Variants in ROBO1 observed in about 807,000 individuals in gnomAD.
The protein encoded by ROBO1 is roundabout guidance receptor 1, also known as roundabout homolog 1.
Under a neutral mutation model 195.9 loss-of-function variants are expected in ROBO1, and 149 were observed. The observed-to-expected ratio is 0.76, with a 90% CI of 0.67 to 0.87. The LOEUF (loss-of-function observed/expected upper bound fraction) is 0.87. Ranked by LOEUF, ROBO1 falls within the 40% of genes least tolerant of loss-of-function variation. The pLI is 0.00. For missense variants in ROBO1, 1,933 were observed against 2,068.3 expected (o/e 0.93, Z 1.27); for synonymous variants, 816 against 733.2 (o/e 1.11, Z -1.82).
chr3:79,047,567 C>G (rs541921616), intron 3 of ROBO1, among the ~76,000 whole-genome samples: 1 of 152,086 alleles, frequency 6.6e-6, no homozygotes, highest in East Asian at 1.9e-4. Flanking sequence ...TACCTGAATT[C>G]TTGGTCCACA....
intron 2 of ROBO1, among the ~76,000 whole-genome samples, chr3:79,379,450 G>A (rs2036497626): frequency 6.6e-6 from 1 of 152,074 alleles, no homozygotes; most frequent in Admixed American, 6.6e-5. Context: ...CATCATGTCT[G>A]GTAGGCATTA....
intron 2 of ROBO1, among the ~76,000 whole-genome samples, chr3:79,445,209 CA>C (rs1379523494): frequency 2.6e-5 from 4 of 151,366 alleles, no homozygotes; most frequent in Non-Finnish European, 4.4e-5. Flanking sequence ...TTTTTTGTGT[CA>C]TAAGATACAT....
intron 2 of ROBO1, among the ~76,000 whole-genome samples, chr3:79,563,497 A>C (rs1486597973): frequency 6.6e-6 from 1 of 152,158 alleles, no homozygotes; most frequent in Non-Finnish European, 1.5e-5. Context: ...TTCAAAAAAT[A>C]GCTATGTTTG....
intron 2 of ROBO1, among the ~76,000 whole-genome samples, chr3:79,270,179 T>TTCTC (rs138141200): frequency 0.048 from 6,718 of 140,610 alleles, 219 homozygotes; most frequent in African/African-American, 0.095. Context: ...ATACATAATG[T>TTCTC]TCTCTCTCTC....
chr3:79,266,974 T>C (rs1178618499), intron 2 of ROBO1, among the ~76,000 whole-genome samples: 1 of 151,524 alleles, frequency 6.6e-6, no homozygotes, highest in Non-Finnish European at 1.5e-5. Context: ...ACTTATATGC[T>C]TTTTGTTGGA....
chr3:79,231,129 C>T (rs1207737383), intron 2 of ROBO1, among the ~76,000 whole-genome samples: 1 of 152,002 alleles, frequency 6.6e-6, no homozygotes, highest in Non-Finnish European at 1.5e-5. Context: ...GGAAGACAAC[C>T]TAGGTAATAC....
At chr3:78,682,767 A>G (rs989520887) in intron 10 of ROBO1, among the ~76,000 whole-genome samples, 1 of 148,464 alleles carries the variant, frequency 6.7e-6, no homozygotes, top group South Asian at 2.1e-4. Flanking sequence ...TAGGAATAAA[A>G]TTATAATAAT....
At chr3:79,352,020 T>C (rs2035362697) in intron 2 of ROBO1, among the ~76,000 whole-genome samples, 1 of 152,196 alleles carries the variant, frequency 6.6e-6, no homozygotes, top group Admixed American at 6.5e-5. Context: ...CTGACTTAAT[T>C]TGATCACACA....
At position 78,606,773 on chromosome 3, in the gene ROBO1, T is replaced by G. The variant is rs35148826; in HGVS notation, c.4704A>C (p.Ala1568=). 0.014 allele frequency: 23,236 copies of G among 1,613,932 alleles called. 234 individuals are homozygous for G. The highest frequency in any genetic ancestry group is 0.033 in the East Asian group (1,497 of 44,868). ...TCTTTGCTGGTGGAAGGTCTCGTTT[T>G]GCTGCCTTGTTTCCACGTCCTTTCC... ...NDGKGRGNKA[A]KRDLPPAKTH... Residue 1568 remains alanine (A), a synonymous_variant, in exon 29 of 31, where the codon GCA becomes GCC. Transcript: ENST00000464233.
intron 2 of ROBO1, among the ~76,000 whole-genome samples, chr3:79,548,702 T>C (rs1374559484): frequency 6.6e-6 from 1 of 152,182 alleles, no homozygotes; most frequent in African/African-American, 2.4e-5. Context: ...CCTATCAACA[T>C]TAGATTGTGT....
At chr3:78,724,661 G>A (rs751021842) in intron 5 of ROBO1, among the ~76,000 whole-genome samples, 17 of 152,042 alleles carry the variant, frequency 1.1e-4, no homozygotes, top group Admixed American at 4.6e-4. Flanking sequence ...CAGCCTGGGC[G>A]ACAGAGTGAG....
chr3:79,435,192 C>T (rs759245339), intron 2 of ROBO1, among the ~76,000 whole-genome samples: 4 of 152,020 alleles, frequency 2.6e-5, no homozygotes, highest in Non-Finnish European at 4.4e-5. Flanking sequence ...TGCACATGTA[C>T]CCTAGAACTT....
intron 2 of ROBO1, among the ~76,000 whole-genome samples, chr3:79,291,384 G>A (rs893720985): frequency 1.1e-4 from 16 of 150,602 alleles, no homozygotes; most frequent in Non-Finnish European, 2.2e-4. Context: ...CAGCTCCCGT[G>A]TTATTTATGA....
intron 1 of ROBO1, among the ~76,000 whole-genome samples, chr3:79,600,712 T>C (rs1487634685): frequency 6.6e-6 from 1 of 151,886 alleles, no homozygotes; most frequent in South Asian, 2.1e-4. Flanking sequence ...ACATTAAAGA[T>C]AAAAAATCCA....
intron 4 of ROBO1, among the ~76,000 whole-genome samples, chr3:78,841,589 G>A (rs2033205149): frequency 2.6e-5 from 4 of 152,054 alleles, no homozygotes; most frequent in Admixed American, 2.6e-4. Context: ...CCTGGGCATA[G>A]GGAAGGCCTT....
At chr3:79,101,898 C>A (rs929984964) in intron 3 of ROBO1, among the ~76,000 whole-genome samples, 1 of 151,834 alleles carries the variant, frequency 6.6e-6, no homozygotes, top group African/African-American at 2.4e-5. Flanking sequence ...TAAATGCAAA[C>A]AAGTTTTGTC....
chr3:79,105,973 CT>C (rs2079771452), intron 3 of ROBO1, among the ~76,000 whole-genome samples: 1 of 151,650 alleles, frequency 6.6e-6, no homozygotes, highest in African/African-American at 2.4e-5. Flanking sequence ...CATTTGGTTT[CT>C]GTTAAATTTA....
At chr3:79,418,859 T>G (rs1233502267) in intron 2 of ROBO1, among the ~76,000 whole-genome samples, 2 of 152,122 alleles carry the variant, frequency 1.3e-5, no homozygotes, top group African/African-American at 4.8e-5. Context: ...AATAAATACT[T>G]AATTCTAAGA....
intron 1 of ROBO1, among the ~76,000 whole-genome samples, chr3:79,686,032 G>C (rs1422848868): frequency 6.6e-6 from 1 of 152,134 alleles, no homozygotes; most frequent in African/African-American, 2.4e-5. Flanking sequence ...CCATGATCAA[G>C]TGGGTTTCAT....
Sources: gnomAD v4.1 joint callset for allele counts (sites outside exome capture counted in the v4.1 genomes callset) on GRCh38, gnomAD v4.1.1 for gene constraint, MANE v1.5 for transcripts, NCBI Gene and HGNC (gene_info 2026-07-23, HGNC 2026-07-21) for gene names.